Variants in KANK1 observed in about 807,000 individuals in gnomAD.
The protein encoded by KANK1 is KN motif and ankyrin repeat domain-containing protein 1.
A neutral mutation model predicts 106.2 loss-of-function variants in KANK1; 109 were observed. The observed-to-expected ratio is 1.03, with a 90% confidence interval of 0.88 to 1.20. The LOEUF (loss-of-function observed/expected upper bound fraction) is 1.20, where lower values mean the gene tolerates loss of function less well. Among genes scored for constraint, KANK1 ranks in the 50% most tolerant of loss-of-function variants. The pLI, the probability that KANK1 is intolerant of heterozygous loss-of-function variation, is 0.00. For missense variants in KANK1, 2,399 were observed against 1,710.7 expected (o/e 1.40, Z -7.10); for synonymous variants, 873 against 652.2 (o/e 1.34, Z -5.16).
chr9:693,445 T>C (rs1820474964), intron 2 of KANK1: 2 of 985,304 alleles, frequency 2.0e-6, no homozygotes, highest in Non-Finnish European at 2.4e-6. Context: ...TACAGCTGCA[T>C]TTCTAGGTCA....
intron 1 of KANK1, among the ~76,000 whole-genome samples, chr9:545,724 CTTTTTTT>C (rs61622402): frequency 0.25 from 25,411 of 102,580 alleles, 3,502 homozygotes; most frequent in East Asian, 0.48. Flanking sequence ...TGTACAGAGC[CTTTTTTT>C]TTTTTTTTTT....
intron 1 of KANK1, among the ~76,000 whole-genome samples, chr9:581,988 C>T (rs1462631272): frequency 1.3e-5 from 2 of 152,180 alleles, no homozygotes; most frequent in Non-Finnish European, 2.9e-5. Context: ...CTGCTTTTCT[C>T]CTCAAGAAGG....
At chr9:494,334 C>T (rs1051386324) in intron 3 of KANK1, among the ~76,000 whole-genome samples, 3 of 152,184 alleles carry the variant, frequency 2.0e-5, no homozygotes, top group Admixed American at 6.5e-5. Flanking sequence ...ATACATCCTA[C>T]TTCATATCTG....
At chr9:475,220 C>T (rs1023487516) in intron 3 of KANK1, among the ~76,000 whole-genome samples, 4 of 152,000 alleles carry the variant, frequency 2.6e-5, no homozygotes, top group Non-Finnish European at 4.4e-5. Context: ...AGGAATGCTA[C>T]GCTGGTAAGG....
intron 1 of KANK1, among the ~76,000 whole-genome samples, chr9:564,536 AACAT>A (rs1226071557): frequency 2.0e-5 from 3 of 152,192 alleles, no homozygotes; most frequent in Non-Finnish European, 4.4e-5. Flanking sequence ...GCTAATATGA[AACAT>A]ACATAGTTGC....
At chr9:693,930 T>A (rs1820591862) in intron 2 of KANK1, 1 of 647,086 alleles carries the variant, frequency 1.5e-6, no homozygotes, top group Non-Finnish European at 1.9e-6. Context: ...AGTACTTGAT[T>A]TTTGGTCCAG....
intron 1 of KANK1, among the ~76,000 whole-genome samples, chr9:527,407 T>A (rs56384717): frequency 0.39 from 59,509 of 151,544 alleles, 13,541 homozygotes; most frequent in African/African-American, 0.6. Flanking sequence ...TTTGAAGTGA[T>A]TCTCCTTCCT....
At chr9:609,668 C>T (rs528233216) in intron 1 of KANK1, among the ~76,000 whole-genome samples, 5 of 152,166 alleles carry the variant, frequency 3.3e-5, no homozygotes, top group African/African-American at 1.2e-4. Context: ...TGAATAGACT[C>T]AATAGACATT....
intron 3 of KANK1, among the ~76,000 whole-genome samples, chr9:475,341 G>A (rs2058085070): frequency 6.6e-6 from 1 of 152,218 alleles, no homozygotes; most frequent in African/African-American, 2.4e-5. Flanking sequence ...CCCAAGGGAA[G>A]AATTGGGAGA....
At chr9:608,831 G>A (rs1829926376) in intron 1 of KANK1, among the ~76,000 whole-genome samples, 1 of 152,160 alleles carries the variant, frequency 6.6e-6, no homozygotes, top group Non-Finnish European at 1.5e-5. Context: ...CAAGGGAGGT[G>A]AACTAAGCCA....
chr9:560,669 G>A (rs1237322624), intron 1 of KANK1, among the ~76,000 whole-genome samples: 2 of 152,188 alleles, frequency 1.3e-5, no homozygotes, highest in African/African-American at 4.8e-5. Flanking sequence ...CCAATGTCAT[G>A]ATATTCTAGT....
chr9:681,844 T>C (rs1034964347), intron 2 of KANK1, among the ~76,000 whole-genome samples: 3 of 152,166 alleles, frequency 2.0e-5, no homozygotes, highest in African/African-American at 7.2e-5. Context: ...CCTGCTCTTA[T>C]CATCTTTATT....
Position 710,892 on chromosome 9 carries a change from C to G in KANK1, c.126C>G (p.Asp42Glu), listed in dbSNP as rs1405374221. Residue 42 changes from aspartate (D) to glutamate (E), a missense_variant, in exon 3 of 12, where the codon GAC becomes GAG. Coordinates refer to ENST00000382297, the MANE Select transcript of KANK1 (RefSeq NM_015158.5). ...FVETPYGYQL[D>E]LDFLKYVDDI... is the part of the protein sequence containing the mutation. ...AGACCCCCTATGGTTATCAACTAGA[C>G]TTAGATTTCCTCAAATATGTGGATG... 6.2e-7 allele frequency: 1 copy of G among 1,614,006 alleles called. No individual in the cohort carries two copies. Among genetic ancestry groups the G allele is most frequent in the African/African-American group, 1.3e-5 (1 of 74,902 alleles).
At chr9:661,972 G>C (rs35834559) in intron 1 of KANK1, among the ~76,000 whole-genome samples, 31,140 of 152,034 alleles carry the variant, frequency 0.2, 5,048 homozygotes, top group East Asian at 0.55. Flanking sequence ...TGATGGGGTT[G>C]TTTGATTTTT....
chr9:701,099 G>A (rs1470246855), intron 2 of KANK1, among the ~76,000 whole-genome samples: 2 of 152,242 alleles, frequency 1.3e-5, no homozygotes, highest in South Asian at 2.1e-4. Context: ...GCCCCAATAG[G>A]AAATGAAAGA....
At chr9:647,373 T>C (rs995595997) in intron 1 of KANK1, among the ~76,000 whole-genome samples, 2 of 150,936 alleles carry the variant, frequency 1.3e-5, no homozygotes, top group African/African-American at 5.0e-5. Flanking sequence ...TGTTGTAGTT[T>C]TATTATATTT....
intron 1 of KANK1, among the ~76,000 whole-genome samples, chr9:593,647 G>A (rs909270559): frequency 4.6e-5 from 7 of 151,822 alleles, no homozygotes; most frequent in African/African-American, 9.7e-5. Context: ...TGTGTAAATC[G>A]TTGGATGTAA....
At chr9:661,079 G>A (rs1190338378) in intron 1 of KANK1, among the ~76,000 whole-genome samples, 1 of 49,042 alleles carries the variant, frequency 2.0e-5, no homozygotes, top group African/African-American at 8.5e-5. Context: ...TGGTTTTGAG[G>A]TTTGTTTGTT....
intron 3 of KANK1, among the ~76,000 whole-genome samples, chr9:476,347 C>A (rs529424251): frequency 1.1e-4 from 17 of 152,122 alleles, no homozygotes; most frequent in Non-Finnish European, 1.8e-4. Context: ...ATAGTGAAAC[C>A]CTGTCTCTAC....
Sources: gnomAD v4.1 joint callset for allele counts (sites outside exome capture counted in the v4.1 genomes callset) on GRCh38, gnomAD v4.1.1 for gene constraint, MANE v1.5 for transcripts, NCBI Gene and HGNC (gene_info 2026-07-23, HGNC 2026-07-21) for gene names.